Variants in KCNIP1 observed in about 807,000 individuals in gnomAD.
KCNIP1 encodes the protein potassium voltage-gated channel interacting protein 1, also known as A-type potassium channel modulatory protein KCNIP1.
KCNIP1 carries 18 observed loss-of-function variants against 33.0 expected under a neutral mutation model. The observed-to-expected ratio is 0.55, with a 90% CI of 0.38 to 0.81. KCNIP1 has a LOEUF of 0.81. KCNIP1 is among the 30% of genes least tolerant of loss of function. KCNIP1 has a pLI of 0.00. For missense variants in KCNIP1, 238 were observed against 271.6 expected (o/e 0.88, Z 0.87); for synonymous variants, 93 against 98.3 (o/e 0.95, Z 0.32).
chr5:170,706,279 T>G (rs1166452649), intron 1 of KCNIP1, among the ~76,000 whole-genome samples: 13 of 152,224 alleles, frequency 8.5e-5, no homozygotes, highest in Admixed American at 8.5e-4. Context: ...TTTAGCACGC[T>G]TGTTTGGGAC....
At chr5:170,396,314 C>A (rs1754761954) in intron 1 of KCNIP1, among the ~76,000 whole-genome samples, 1 of 152,178 alleles carries the variant, frequency 6.6e-6, no homozygotes, top group Admixed American at 6.5e-5. Context: ...AGGGAAGGAA[C>A]TGGGGAATGG....
At chr5:170,587,002 A>G (rs1430106929) in intron 1 of KCNIP1, among the ~76,000 whole-genome samples, 1 of 152,222 alleles carries the variant, frequency 6.6e-6, no homozygotes, top group Non-Finnish European at 1.5e-5. Flanking sequence ...TTTAATTGCA[A>G]GTAAAGGTGC....
At chr5:170,496,082 G>A (rs1196011396) in intron 1 of KCNIP1, among the ~76,000 whole-genome samples, 2 of 152,162 alleles carry the variant, frequency 1.3e-5, no homozygotes, top group Non-Finnish European at 2.9e-5. Context: ...CAGGGTTACT[G>A]TTCCCTCCTC....
At chr5:170,618,077 G>A (rs1759456680) in intron 1 of KCNIP1, among the ~76,000 whole-genome samples, 1 of 152,186 alleles carries the variant, frequency 6.6e-6, no homozygotes, top group African/African-American at 2.4e-5. Flanking sequence ...CCGACCACTG[G>A]AGATGGGAGC....
intron 1 of KCNIP1, among the ~76,000 whole-genome samples, chr5:170,607,514 G>A (rs1447665212): frequency 2.0e-5 from 3 of 152,300 alleles, no homozygotes; most frequent in Non-Finnish European, 4.4e-5. Context: ...ATAATGTGAC[G>A]AGGTGCTGAG....
intron 1 of KCNIP1, among the ~76,000 whole-genome samples, chr5:170,711,366 T>C (rs1441750600): frequency 6.6e-6 from 1 of 152,244 alleles, no homozygotes; most frequent in East Asian, 1.9e-4. Flanking sequence ...TCTCTCCTAA[T>C]ACCTAAGACA....
intron 1 of KCNIP1, among the ~76,000 whole-genome samples, chr5:170,545,168 C>T (rs1756366031): frequency 6.6e-6 from 1 of 152,102 alleles, no homozygotes; most frequent in Non-Finnish European, 1.5e-5. Flanking sequence ...ACAAGAGTGG[C>T]AGTGTTCTTT....
intron 1 of KCNIP1, among the ~76,000 whole-genome samples, chr5:170,445,049 A>T (rs190548973): frequency 2.0e-5 from 3 of 152,218 alleles, no homozygotes; most frequent in Non-Finnish European, 2.9e-5. Context: ...CAATTCAGCA[A>T]GTATTGATTG....
At chr5:170,377,379 T>G (rs1764047951) in intron 1 of KCNIP1, 1 of 152,208 alleles carries the variant, frequency 6.6e-6, no homozygotes, top group Non-Finnish European at 1.5e-5. Context: ...GGGACCACAC[T>G]TGGACAGTCA....
chr5:170,502,848 A>T (rs745689444), upstream of KCNIP1, among the ~76,000 whole-genome samples: 4 of 152,024 alleles, frequency 2.6e-5, no homozygotes, highest in Non-Finnish European at 5.9e-5. Context: ...GACTTGGGGG[A>T]GGGGAAGCTC....
chr5:170,640,992 A>C (rs181263857), intron 1 of KCNIP1, among the ~76,000 whole-genome samples: 2 of 152,170 alleles, frequency 1.3e-5, no homozygotes, highest in Non-Finnish European at 2.9e-5. Context: ...AGGGCTAAAA[A>C]ATCCAACGAA....
chr5:170,682,263 G>C (rs528397479), intron 1 of KCNIP1, among the ~76,000 whole-genome samples: 16 of 152,240 alleles, frequency 1.1e-4, no homozygotes, highest in African/African-American at 3.9e-4. Flanking sequence ...AAAAATTCTA[G>C]GTCTTGGTTT....
At chr5:170,694,322 G>T (rs925622471) in intron 1 of KCNIP1, among the ~76,000 whole-genome samples, 3 of 152,070 alleles carry the variant, frequency 2.0e-5, no homozygotes, top group African/African-American at 7.2e-5. Context: ...ACCACAGATG[G>T]TTCATTTTTA....
At chr5:170,545,497 A>G (rs1206464106) in intron 1 of KCNIP1, among the ~76,000 whole-genome samples, 1 of 152,088 alleles carries the variant, frequency 6.6e-6, no homozygotes, top group Non-Finnish European at 1.5e-5. Flanking sequence ...TGGGACTCCA[A>G]TTATGTGTAT....
rs201559685 is a variant in KCNIP1, at chr5:170,448,289, GT to G, written c.88+94327del. On this transcript the variant is annotated intron_variant, in intron 1 of 7. Coordinates refer to the KCNIP1 transcript ENST00000377360. ...TTTTTGGACTCAGGGCAATTGCCCT[GT>G]TCCAGGAAACCCCAAAATAGAGTTG... Among the ~76,000 whole-genome samples the G allele has an allele frequency of 5.8e-4, 88 of 152,372 alleles. 2 individuals carry two copies. The East Asian group carries it at 0.017, about 29-fold the overall frequency.
At chr5:170,597,819 A>T (rs1416697156) in intron 1 of KCNIP1, among the ~76,000 whole-genome samples, 1 of 96,100 alleles carries the variant, frequency 1.0e-5, no homozygotes, top group African/African-American at 4.1e-5. Flanking sequence ...ATATATATAT[A>T]TATATATATA....
chr5:170,527,988 T>C (rs1755643508), intron 1 of KCNIP1, among the ~76,000 whole-genome samples: 1 of 152,070 alleles, frequency 6.6e-6, no homozygotes, highest in Non-Finnish European at 1.5e-5. Context: ...CGATTATCCT[T>C]TACTGCATTT....
intron 1 of KCNIP1, among the ~76,000 whole-genome samples, chr5:170,560,166 TCATTAAAC>T (rs2113451678): frequency 6.6e-6 from 1 of 152,260 alleles, no homozygotes; most frequent in Non-Finnish European, 1.5e-5. Context: ...AGGACAGAGC[TCATTAAAC>T]CAGCCTACCA....
chr5:170,546,082 C>T (rs561603182), intron 1 of KCNIP1, among the ~76,000 whole-genome samples: 68 of 152,284 alleles, frequency 4.5e-4, no homozygotes, highest in Non-Finnish European at 6.3e-4. Flanking sequence ...AAGACTGAAT[C>T]GACCACCTCT....
Sources: allele counts gnomAD v4.1 joint callset (sites outside exome capture counted in the v4.1 genomes callset), GRCh38; gene constraint gnomAD v4.1.1; transcripts MANE v1.5; gene names NCBI Gene and HGNC (gene_info 2026-07-23, HGNC 2026-07-21).